Variants in MICAL3 observed in about 807,000 individuals in gnomAD.
MICAL3 encodes [F-actin]-monooxygenase MICAL3.
A neutral mutation model predicts 207.4 loss-of-function variants in MICAL3; 62 were observed. The ratio of observed to expected loss-of-function variants is 0.30; its 90% CI spans 0.24 to 0.37. The LOEUF (loss-of-function observed/expected upper bound fraction) is 0.37, where lower values mean the gene tolerates loss of function less well. Among genes scored for constraint, MICAL3 ranks in the 10% least tolerant of loss-of-function variants. MICAL3 has a pLI of 1.00. For missense variants in MICAL3, 2,368 were observed against 2,635.6 expected (o/e 0.90, Z 2.22); for synonymous variants, 1,077 against 1,069.3 (o/e 1.01, Z -0.14).
chr22:18,018,845 T>A (rs567504876), intron 1 of MICAL3, among the ~76,000 whole-genome samples: 15 of 151,152 alleles, frequency 9.9e-5, no homozygotes, highest in Non-Finnish European at 2.2e-4. Flanking sequence ...AGGACACAAA[T>A]CTTCCCTTCA....
intron 1 of MICAL3, among the ~76,000 whole-genome samples, chr22:17,970,060 G>A (rs1486252872): frequency 6.6e-6 from 1 of 152,212 alleles, no homozygotes; most frequent in Non-Finnish European, 1.5e-5. Flanking sequence ...CAGAGGGACT[G>A]GGCCGTTGCT....
At chr22:17,928,079 T>C (rs1037607349) in intron 1 of MICAL3, among the ~76,000 whole-genome samples, 2 of 152,192 alleles carry the variant, frequency 1.3e-5, no homozygotes, top group East Asian at 1.9e-4. Flanking sequence ...ATATGCAGCA[T>C]AGCGTGGTGG....
intron 1 of MICAL3, among the ~76,000 whole-genome samples, chr22:17,992,829 CA>C (rs777107958): frequency 1.3e-5 from 2 of 152,184 alleles, no homozygotes; most frequent in African/African-American, 4.8e-5. Flanking sequence ...ATTAGCTATG[CA>C]AATTATTGGG....
chr22:17,872,107 C>T, intron 16 of MICAL3, 84 bp from the exon 17 acceptor site: 1 of 1,196,630 alleles, frequency 8.4e-7, no homozygotes, highest in Admixed American at 2.3e-5. Flanking sequence ...CTTGCGAGAG[C>T]AAAGCCAACC....
In MICAL3 at chr22:17,909,142, G is replaced by A. The variant is rs1931953657; in HGVS notation, c.-74-2256C>T. ...ACAACACTCGTCACATAATGTGGAG[G>A]ATACATTGCAGATGGAACACACTGG... On this transcript the variant is annotated intron_variant, in intron 1 of 31. Transcript: ENST00000441493. 2.6e-5 allele frequency among the ~76,000 whole-genome samples: 4 copies of A among 152,170 alleles called. No homozygotes were observed. In the South Asian group the frequency reaches 8.3e-4, roughly 32 times the overall value.
At chr22:17,920,863 G>A (rs5746497) in intron 1 of MICAL3, among the ~76,000 whole-genome samples, 54,687 of 151,816 alleles carry the variant, frequency 0.36, 10,442 homozygotes, top group South Asian at 0.49. Context: ...CACAATCCTG[G>A]TGGAAGCCCC....
Position 17,793,261 on chromosome 22 carries a change from G to A in MICAL3, c.5651-1960C>T, listed in dbSNP as rs1259979904. Among the ~76,000 whole-genome samples the A allele has an allele frequency of 2.6e-5, 4 of 151,952 alleles. No individual in the cohort carries two copies. Among genetic ancestry groups the A allele is most frequent in the South Asian group, 4.1e-4 (2 of 4,828 alleles). On this transcript the variant is annotated intron_variant, in intron 29 of 31. Coordinates refer to ENST00000441493, the MANE Select transcript of MICAL3 (RefSeq NM_015241.3). This position sits in a 1 kb window ranked among gnomAD's most constrained non-coding sequence, Gnocchi z 4.1. The stretch of plus-strand genomic sequence containing the variant: ...TTCAAATCAGACAAACTTAAAACAC[G>A]CACACTCAGCAAGACACGAGGTAGA...
At chr22:17,808,145 G>C (rs867596454) in intron 29 of MICAL3, among the ~76,000 whole-genome samples, 9 of 152,242 alleles carry the variant, frequency 5.9e-5, no homozygotes, top group Non-Finnish European at 1.3e-4. Flanking sequence ...GAGCGCAGCC[G>C]CGCAGGTTCC....
intron 1 of MICAL3, among the ~76,000 whole-genome samples, chr22:17,938,753 G>A (rs76013843): frequency 0.012 from 1,838 of 152,280 alleles, 20 homozygotes; most frequent in South Asian, 0.019. Context: ...CTCCACACCA[G>A]TGCTCCTGGC....
At chr22:17,792,627 A>G (rs768565574) in intron 29 of MICAL3, among the ~76,000 whole-genome samples, 11 of 152,208 alleles carry the variant, frequency 7.2e-5, no homozygotes, top group East Asian at 1.9e-4. Flanking sequence ...GGTGTCTGCT[A>G]GACAGTTAGT....
intron 1 of MICAL3, among the ~76,000 whole-genome samples, chr22:18,002,884 C>T (rs796274115): frequency 5.9e-5 from 9 of 152,200 alleles, no homozygotes; most frequent in African/African-American, 2.2e-4. Context: ...AGGCTGGGCG[C>T]GGTGGCTCAC....
In MICAL3 at chr22:17,818,560, G is replaced by A. The variant is rs755095755; in HGVS notation, c.4101C>T (p.Ser1367=). The change falls in exon 26 of 32, where the codon TCC becomes TCT. Residue 1367 remains serine (S), a synonymous_variant. Coordinates refer to ENST00000441493, the MANE Select transcript of MICAL3 (RefSeq NM_015241.3). ...AFRPVSLKSY[S]VEKSPQDEGL... is the part of the protein sequence containing the mutation. ...CCTCATCCTGGGGGGACTTTTCAAC[G>A]GAATAGGATTTGAGGGACACTGGCC... The A allele has an allele frequency of 6.8e-6, 11 of 1,613,486 alleles. No homozygotes were observed. The highest frequency in any genetic ancestry group is 2.7e-5 in the African/African-American group (2 of 74,932).
At chr22:17,888,178 C>G (rs907714630) in intron 13 of MICAL3, among the ~76,000 whole-genome samples, 1 of 152,126 alleles carries the variant, frequency 6.6e-6, no homozygotes, top group African/African-American at 2.4e-5. Flanking sequence ...CATTTTACAC[C>G]CGTTACCCCA....
At chr22:17,865,856 C>T in intron 18 of MICAL3, 68 bp downstream of exon 18, 5 of 1,377,654 alleles carry the variant, frequency 3.6e-6, no homozygotes, top group South Asian at 1.2e-5. Context: ...GTTGGCCGCC[C>T]CCGGCCCATA....
chr22:17,799,117 C>T (rs1049001758), intron 29 of MICAL3, among the ~76,000 whole-genome samples: 6 of 152,310 alleles, frequency 3.9e-5, no homozygotes, highest in Non-Finnish European at 8.8e-5. Context: ...AGTGCGGTGG[C>T]TCACACCTGT....
rs2061812486 is a variant in MICAL3, at chr22:17,790,087, C to T, written c.*645G>A. 1 of 152,250 alleles carries T rather than the reference C, an allele frequency of 6.6e-6. No individual in the cohort carries two copies. The highest frequency in any genetic ancestry group is 1.5e-5 in the Non-Finnish European group (1 of 68,072). The allele number at this position is 152,250 out of a possible 1,614,324, so 9.4% of individuals were successfully genotyped here. On this transcript the variant is annotated 3_prime_UTR_variant, in exon 32 of 32. Coordinates refer to ENST00000441493, the MANE Select transcript of MICAL3 (RefSeq NM_015241.3). ...CAACCCACAAGCCTCAGGCCACAGC[C>T]AGCAAGCGGCCCAGGCATTTGGCCA...
chr22:17,814,760 C>G (rs2062084618), intron 27 of MICAL3: 1 of 152,076 alleles, frequency 6.6e-6, no homozygotes, highest in Admixed American at 6.5e-5. Context: ...TCATCCATCC[C>G]CTAGCTTGGC....
rs939830085 is a variant in MICAL3 at position 17,872,998 on chromosome 22, C to G, written c.2242-975G>C. On this transcript the variant is annotated intron_variant, in intron 16 of 31. Transcript: ENST00000441493. ...GGTGCAGCAGCAAACCATGCCAACACAGTGCTCACAGGCAGGGAAACCGGG... is the reference window on the plus strand; with the variant it reads ...GGTGCAGCAGCAAACCATGCCAACAGAGTGCTCACAGGCAGGGAAACCGGG... 141 of 642,604 alleles carry G rather than the reference C, an allele frequency of 2.2e-4. 1 individual carries two copies. The African/African-American group carries it at 2.5e-3, about 11-fold the overall frequency. The allele number at this position is 642,604 out of a possible 1,614,324, so 39.8% of individuals were successfully genotyped here. A position where few individuals can be genotyped will look rare whatever the true frequency, so the allele number is the denominator to read the frequency against.
At chr22:17,824,087 C>T (rs1438268411) in intron 22 of MICAL3, among the ~76,000 whole-genome samples, 1 of 145,088 alleles carries the variant, frequency 6.9e-6, no homozygotes, top group Non-Finnish European at 1.5e-5. Context: ...TAAGCACGCA[C>T]ACACCGTCCC....
Sources: gnomAD v4.1 joint callset for allele counts (sites outside exome capture counted in the v4.1 genomes callset) on GRCh38, gnomAD v4.1.1 for gene constraint, Gnocchi (gnomAD v3.1) non-coding constraint, MANE v1.5 for transcripts, NCBI Gene and HGNC (gene_info 2026-07-23, HGNC 2026-07-21) for gene names.